The following TMEM182 variants were observed in gnomAD, a reference collection of about 807,000 sequenced individuals.
The protein encoded by TMEM182 is transmembrane protein 182.
A neutral mutation model predicts 26.8 loss-of-function variants in TMEM182; 20 were observed. That is an observed-to-expected ratio of 0.75 (90% confidence interval 0.53 to 1.09). TMEM182 has a LOEUF of 1.09. Ranked by LOEUF, TMEM182 falls within the 50% of genes least tolerant of loss-of-function variation. TMEM182 has a pLI of 0.00. For synonymous variants in TMEM182, 109 were observed against 102.2 expected, an observed-to-expected ratio of 1.07 and a Z score of -0.40; for missense variants, 277 against 275.5, an observed-to-expected ratio of 1.01 and a Z score of -0.04.
At chr2:102,795,440 GATT>G (rs1261386270) in intron 3 of TMEM182, among the ~76,000 whole-genome samples, 1 of 152,100 alleles carries the variant, frequency 6.6e-6, no homozygotes, top group Non-Finnish European at 1.5e-5. Context: ...TAAAAAATTT[GATT>G]ATTATTATTT....
At chr2:102,788,544 G>A (rs963522715) in intron 3 of TMEM182, among the ~76,000 whole-genome samples, 2 of 151,890 alleles carry the variant, frequency 1.3e-5, no homozygotes, top group Non-Finnish European at 2.9e-5. Flanking sequence ...TGTTACTGCA[G>A]CCACCACCCA....
intron 1 of TMEM182, among the ~76,000 whole-genome samples, chr2:102,755,534 C>A (rs1680007405): frequency 6.6e-6 from 1 of 152,142 alleles, no homozygotes; most frequent in South Asian, 2.1e-4. Flanking sequence ...GTCACTGTAT[C>A]CACCCAGGCA....
rs546219614 is a variant in TMEM182, at chr2:102,835,052, G to A, written c.326-8360G>A. 4.6e-5 allele frequency among the ~76,000 whole-genome samples: 7 copies of A among 152,240 alleles called. No individual in the cohort carries two copies. The South Asian group carries it at 1.2e-3, about 27-fold the overall frequency. On this transcript the variant is annotated intron_variant, in intron 3 of 3. Coordinates refer to the TMEM182 transcript ENST00000486293. ...ACACAAAGCAATTGTGGGGGGCGGG[G>A]ATGGGAAAGGCTCAGTGATTGTAAC...
intron 4 of TMEM182, among the ~76,000 whole-genome samples, chr2:102,802,205 A>G (rs1238527939): frequency 6.6e-6 from 1 of 152,234 alleles, no homozygotes; most frequent in Non-Finnish European, 1.5e-5. Flanking sequence ...GGGTATGTGC[A>G]CATAGGAAGA....
At position 102,814,820 on chromosome 2, in the gene TMEM182, G is replaced by A. The variant is rs199665908; in HGVS notation, c.542G>A (p.Arg181Gln). The part of the protein sequence containing the change: ...VQAVADMESY[R>Q]NMKMKDCLDF... The stretch of plus-strand genomic sequence containing the variant: ...GCAGTGGCTGACATGGAAAGCTACC[G>A]AAACATGAAAATGAAGGACTGCCTG... The change falls in exon 5 of 5, where the codon CGA (arginine) becomes CAA (glutamine). Residue 181 changes from arginine to glutamine, a missense_variant. Coordinates refer to ENST00000412401, the MANE Select transcript of TMEM182 (RefSeq NM_144632.5). The A allele has an allele frequency of 3.1e-5, 50 of 1,613,650 alleles. 1 individual carries two copies. The highest frequency in any genetic ancestry group is 3.3e-4 in the Middle Eastern group (2 of 6,082).
At chr2:102,788,558 G>A (rs1681497625) in intron 3 of TMEM182, among the ~76,000 whole-genome samples, 2 of 151,874 alleles carry the variant, frequency 1.3e-5, no homozygotes, top group Non-Finnish European at 1.5e-5. Flanking sequence ...CCACCCATAG[G>A]ACCACTAATA....
chr2:102,836,808 C>A (rs1315900933), intron 3 of TMEM182, among the ~76,000 whole-genome samples: 2 of 152,228 alleles, frequency 1.3e-5, no homozygotes, highest in African/African-American at 4.8e-5. Flanking sequence ...CAGACAACTT[C>A]TCAGCCTTCA....
chr2:102,813,412 T>A (rs968901721), intron 4 of TMEM182, among the ~76,000 whole-genome samples: 3 of 152,228 alleles, frequency 2.0e-5, no homozygotes, highest in African/African-American at 4.8e-5. Context: ...CTTTCAGACA[T>A]TCTAGCAATT....
At chr2:102,776,695 C>G (rs749209066) in intron 3 of TMEM182, among the ~76,000 whole-genome samples, 1 of 152,104 alleles carries the variant, frequency 6.6e-6, no homozygotes, top group East Asian at 1.9e-4. Context: ...ATTTCTGGAT[C>G]GTATGGTGAG....
intron 3 of TMEM182, among the ~76,000 whole-genome samples, chr2:102,774,918 A>T (rs1013599480): frequency 6.6e-6 from 1 of 152,270 alleles, no homozygotes; most frequent in South Asian, 2.1e-4. Flanking sequence ...TTTTTTAAAA[A>T]AATTGTTTTA....
At chr2:102,824,133 A>C (rs1478318729) in intron 3 of TMEM182, among the ~76,000 whole-genome samples, 2 of 152,196 alleles carry the variant, frequency 1.3e-5, no homozygotes, top group Non-Finnish European at 2.9e-5. Flanking sequence ...GATTCTTAAG[A>C]GGTGACGTGG....
intron 3 of TMEM182, among the ~76,000 whole-genome samples, chr2:102,826,033 G>C (rs1683024898): frequency 6.6e-6 from 1 of 152,190 alleles, no homozygotes; most frequent in African/African-American, 2.4e-5. Context: ...ATTAACAACT[G>C]AATTGCATAA....
chr2:102,762,505 G>A, intron 1 of TMEM182, 82 bp from the exon 2 acceptor site: 5 of 1,540,050 alleles, frequency 3.2e-6, no homozygotes, highest in Non-Finnish European at 3.5e-6. Context: ...TAAAATACAT[G>A]TCCTTAAAAA....
intron 3 of TMEM182, among the ~76,000 whole-genome samples, chr2:102,781,973 T>G (rs1220689704): frequency 6.6e-6 from 1 of 152,164 alleles, no homozygotes; most frequent in African/African-American, 2.4e-5. Flanking sequence ...TCAGACCTAT[T>G]TATTTGTTTC....
rs570162702 is a variant in TMEM182, at chr2:102,762,643, G to A, written c.189G>A (p.Gly63=). The A allele has an allele frequency of 6.2e-7, 1 of 1,613,960 alleles. No homozygotes were observed. The highest frequency in any genetic ancestry group is 2.2e-5 in the East Asian group (1 of 44,836). Residue 63 remains glycine, a synonymous_variant, in exon 2 of 5, where the codon GGG becomes GGA. Transcript: ENST00000412401. ...TCTTCTGGAGGTGTTGGTTTAATGG[G>A]ATTGTGGAAGAGAATGACTCCAATA... ...EGFFWRCWFN[G]IVEENDSNIW...
Position 102,817,083 on chromosome 2 carries a change from A to G in TMEM182, c.*2115A>G, listed in dbSNP as rs573673872. ...ACATTTCAAGCACATTTCTTGATCA[A>G]TTTACCAGCAACCCTCTGAAGGAAT... is the stretch of plus-strand genomic sequence containing the variant. On this transcript the variant is annotated 3_prime_UTR_variant, in exon 5 of 5. Transcript: ENST00000412401. 62 of 985,432 alleles carry G rather than the reference A, an allele frequency of 6.3e-5. No individual in the cohort carries two copies. In the African/African-American group the frequency reaches 7.0e-4, roughly 11 times the overall value. The allele number at this position is 985,432 out of a possible 1,614,324, so 61.0% of individuals were successfully genotyped here.
chr2:102,774,653 C>T (rs1680832424), intron 3 of TMEM182, among the ~76,000 whole-genome samples: 1 of 152,152 alleles, frequency 6.6e-6, no homozygotes, highest in Non-Finnish European at 1.5e-5. Flanking sequence ...AGATGTGAGT[C>T]TCACTCTTTT....
intron 3 of TMEM182, among the ~76,000 whole-genome samples, chr2:102,786,735 G>A (rs1438448299): frequency 1.3e-5 from 2 of 152,142 alleles, no homozygotes; most frequent in Non-Finnish European, 2.9e-5. Flanking sequence ...GGATTACAGG[G>A]GGTATTGAGT....
At chr2:102,779,862 G>T (rs376950951) in intron 3 of TMEM182, among the ~76,000 whole-genome samples, 2 of 152,088 alleles carry the variant, frequency 1.3e-5, no homozygotes, top group East Asian at 3.9e-4. Context: ...AGCTAGCTGG[G>T]TGTGGCGGTG....
Sources: allele counts gnomAD v4.1 joint callset (sites outside exome capture counted in the v4.1 genomes callset), GRCh38; gene constraint gnomAD v4.1.1; transcripts MANE v1.5; gene names NCBI Gene and HGNC (gene_info 2026-07-23, HGNC 2026-07-21).